Variants in EBF4 observed in about 807,000 individuals in gnomAD.
EBF4 encodes EBF transcription factor 4.
EBF4 carries 34 observed loss-of-function variants against 67.1 expected under a neutral mutation model. That is an observed-to-expected ratio of 0.51 (90% CI 0.39 to 0.67). The LOEUF is 0.67. EBF4 is among the 30% of genes least tolerant of loss of function. EBF4 has a pLI of 0.00. For missense variants in EBF4, 837 were observed against 873.3 expected (o/e 0.96, Z 0.52); for synonymous variants, 387 against 377.7 (o/e 1.02, Z -0.29).
At chr20:2,697,728 C>T (rs1186574779) in intron 1 of EBF4, among the ~76,000 whole-genome samples, 1 of 152,206 alleles carries the variant, frequency 6.6e-6, no homozygotes, top group African/African-American at 2.4e-5. Flanking sequence ...AGGACGTTAT[C>T]TCTGAGATCC....
chr20:2,757,261 A>T (rs2146524582), intron 15 of EBF4, among the ~76,000 whole-genome samples: 1 of 152,366 alleles, frequency 6.6e-6, no homozygotes, highest in South Asian at 2.1e-4. Flanking sequence ...AGGATGATAC[A>T]TGTCCGCAGC....
intron 6 of EBF4, among the ~76,000 whole-genome samples, chr20:2,712,931 A>T (rs2087562619): frequency 6.6e-6 from 1 of 152,196 alleles, no homozygotes; most frequent in Non-Finnish European, 1.5e-5. Context: ...TGAGGAGGAT[A>T]TTGGTGACTG....
chr20:2,754,811 G>A (rs2088210980), intron 14 of EBF4, among the ~76,000 whole-genome samples: 1 of 152,188 alleles, frequency 6.6e-6, no homozygotes. Flanking sequence ...GGAAGAGGGG[G>A]CAGGCAAAGT....
At chr20:2,698,012 A>G (rs2087320897) in intron 1 of EBF4, among the ~76,000 whole-genome samples, 1 of 152,162 alleles carries the variant, frequency 6.6e-6, no homozygotes, top group African/African-American at 2.4e-5. Flanking sequence ...TTAATAATTC[A>G]TAGCCGATTC....
intron 6 of EBF4, among the ~76,000 whole-genome samples, chr20:2,744,417 A>T (rs1472777487): frequency 1.3e-5 from 2 of 151,844 alleles, no homozygotes; most frequent in Admixed American, 6.6e-5. Flanking sequence ...GCATTGTCCG[A>T]TATTAATATA....
intron 6 of EBF4, among the ~76,000 whole-genome samples, chr20:2,712,057 A>G (rs1168200861): frequency 6.6e-6 from 1 of 152,224 alleles, no homozygotes; most frequent in Non-Finnish European, 1.5e-5. Context: ...AAATGATGTC[A>G]GGAATAATGA....
chr20:2,730,895 G>T (rs935805133), intron 6 of EBF4, among the ~76,000 whole-genome samples: 1 of 152,046 alleles, frequency 6.6e-6, no homozygotes, highest in African/African-American at 2.4e-5. Context: ...GCCTTGCTGG[G>T]TTTTTTGTTT....
intron 1 of EBF4, among the ~76,000 whole-genome samples, chr20:2,700,083 G>A (rs184756488): frequency 6.6e-5 from 10 of 152,300 alleles, no homozygotes; most frequent in Admixed American, 6.5e-5. Flanking sequence ...TGGAGTTGGT[G>A]GATAAATACC....
chr20:2,740,761 T>C (rs536418147), intron 6 of EBF4, among the ~76,000 whole-genome samples: 2 of 151,682 alleles, frequency 1.3e-5, no homozygotes, highest in Non-Finnish European at 2.9e-5. Flanking sequence ...AAGGAGGTGG[T>C]CTCGGTCGGA....
exon 3 of EBF4, chr20:2,706,019 C>T (rs757018336): frequency 1.4e-5 from 21 of 1,551,478 alleles, no homozygotes; most frequent in East Asian, 4.9e-5. Flanking sequence ...TTACCGCCTC[C>T]GGCTGGTGTA....
At chr20:2,752,737 G>A (rs1310481014) in intron 14 of EBF4, among the ~76,000 whole-genome samples, 192 bp downstream of exon 14, 5 of 152,316 alleles carry the variant, frequency 3.3e-5, no homozygotes, top group Non-Finnish European at 7.4e-5. Flanking sequence ...CCACCCCTAG[G>A]CTGCACATCC....
At chr20:2,717,645 T>C (rs1362049969) in intron 6 of EBF4, among the ~76,000 whole-genome samples, 1 of 152,220 alleles carries the variant, frequency 6.6e-6, no homozygotes, top group African/African-American at 2.4e-5. Context: ...TCTTTGTCTT[T>C]AGATTTGCCT....
At chr20:2,746,184 G>A (rs371678621) in intron 6 of EBF4, among the ~76,000 whole-genome samples, 4 of 152,156 alleles carry the variant, frequency 2.6e-5, no homozygotes, top group South Asian at 4.1e-4. Flanking sequence ...AAGGGGTGTA[G>A]GGAGTGATTA....
intron 6 of EBF4, among the ~76,000 whole-genome samples, chr20:2,738,424 G>C (rs1005995230): frequency 6.6e-6 from 1 of 151,410 alleles, no homozygotes; most frequent in South Asian, 2.1e-4. Context: ...TCTTCTGTTC[G>C]TGGACTCTGA....
At position 2,756,438 on chromosome 20, in the gene EBF4, G is replaced by A. The variant is rs953973387; in HGVS notation, c.1738+614G>A. Among the ~76,000 whole-genome samples the A allele has an allele frequency of 6.6e-6, 1 of 152,228 alleles. No individual in the cohort carries two copies. The highest frequency in any genetic ancestry group is 2.4e-5 in the African/African-American group (1 of 41,462). On this transcript the variant is annotated intron_variant, in intron 15 of 16. Coordinates refer to ENST00000609451, the Ensembl canonical transcript of EBF4. The surrounding 1 kb of genome is among the most constrained non-coding windows in gnomAD (Gnocchi z 4.5). ...CCACGTGGTGATTGGAAACTCACTG[G>A]GAGGACAGAGGAAGGGACTGGCTGT...
chr20:2,693,637 C>T lies in EBF4; in HGVS notation c.-9C>T. 3 of 1,407,360 alleles carry T rather than the reference C, an allele frequency of 2.1e-6. No individual in the cohort carries two copies. Among genetic ancestry groups the T allele is most frequent in the East Asian group, 3.1e-5 (1 of 32,754 alleles). The allele number at this position is 1,407,360 out of a possible 1,614,324, so 87.2% of individuals were successfully genotyped here. ...GGGCGGCGGGGGCGCTCACTCACCGCGCGCCCTCATGTTCCCTGCGCAGGA... is the reference window on the plus strand; with the variant it reads ...GGGCGGCGGGGGCGCTCACTCACCGTGCGCCCTCATGTTCCCTGCGCAGGA... On this transcript the variant is annotated 5_prime_UTR_variant, in exon 1 of 17. Transcript: ENST00000609451. This position sits in a 1 kb window ranked among gnomAD's most constrained non-coding sequence, Gnocchi z 4.6.
At chr20:2,714,460 A>C (rs1294656811) in intron 6 of EBF4, among the ~76,000 whole-genome samples, 1 of 151,660 alleles carries the variant, frequency 6.6e-6, no homozygotes, top group African/African-American at 2.4e-5. Flanking sequence ...CAAGCCATCC[A>C]CTCACCTTAG....
chr20:2,711,940 T>C (rs2087549775), intron 6 of EBF4, among the ~76,000 whole-genome samples: 1 of 152,096 alleles, frequency 6.6e-6, no homozygotes, highest in Non-Finnish European at 1.5e-5. Flanking sequence ...GAGTGAGCGA[T>C]GTATTTATGT....
chr20:2,736,229 GGATA>G (rs1165589570), intron 6 of EBF4, among the ~76,000 whole-genome samples: 1 of 152,068 alleles, frequency 6.6e-6, no homozygotes, highest in African/African-American at 2.4e-5. Context: ...TGGCTCCTAG[GGATA>G]GATAGAAGCT....
Sources: gnomAD v4.1 joint callset for allele counts (sites outside exome capture counted in the v4.1 genomes callset) on GRCh38, gnomAD v4.1.1 for gene constraint, Gnocchi (gnomAD v3.1) non-coding constraint, MANE v1.5 for transcripts, NCBI Gene and HGNC (gene_info 2026-07-23, HGNC 2026-07-21) for gene names.